POU6F2: variants seen among roughly 807,000 people sequenced by gnomAD.
POU6F2 encodes the protein POU class 6 homeobox 2, also known as POU domain, class 6, transcription factor 2.
A neutral mutation model predicts 71.3 loss-of-function variants in POU6F2; 31 were observed. The observed-to-expected ratio is 0.43, with a 90% CI of 0.33 to 0.59. POU6F2 has a LOEUF of 0.59. Ranked by LOEUF, POU6F2 falls within the 20% of genes least tolerant of loss-of-function variation. The pLI is 0.04. For synonymous variants in POU6F2, 347 were observed against 355.7 expected (o/e 0.98, Z 0.27); for missense variants, 783 against 856.8 (o/e 0.91, Z 1.07).
At chr7:39,090,530 C>T (rs1414003683) in intron 2 of POU6F2, among the ~76,000 whole-genome samples, 2 of 152,092 alleles carry the variant, frequency 1.3e-5, no homozygotes, top group Admixed American at 6.5e-5. Flanking sequence ...TTAAACGTCT[C>T]TCTCCAGGCT....
chr7:39,091,824 A>T (rs1347335654), intron 2 of POU6F2, among the ~76,000 whole-genome samples: 1 of 152,212 alleles, frequency 6.6e-6, no homozygotes, highest in African/African-American at 2.4e-5. Flanking sequence ...TTGAGATTTC[A>T]CTTGACCGTT....
intron 4 of POU6F2, among the ~76,000 whole-genome samples, chr7:39,232,302 A>G (rs1487925037): frequency 6.6e-6 from 1 of 151,958 alleles, no homozygotes; most frequent in African/African-American, 2.4e-5. Flanking sequence ...GTAAATAGAT[A>G]ACAAAAGGTT....
At position 39,464,769 on chromosome 7, in the gene POU6F2, A is replaced by C. The variant is rs1323186390; in HGVS notation, c.*83A>C. The stretch of plus-strand genomic sequence containing the variant: ...GACTCCACAACAACAACAACAACAA[A>C]ATTTAATTTAATTTAAAAATAGCCC... On this transcript the variant is annotated 3_prime_UTR_variant, in exon 10 of 10. Transcript: ENST00000518318. The surrounding 1 kb of genome is among the most constrained non-coding windows in gnomAD (Gnocchi z 4.1). 4 of 1,366,466 alleles carry C rather than the reference A, an allele frequency of 2.9e-6. No individual in the cohort carries two copies. Among genetic ancestry groups the C allele is most frequent in the Admixed American group, 2.7e-5 (1 of 36,954 alleles). 84.6% of individuals were successfully genotyped at this position (1,366,466 alleles called of 1,614,324 possible). A position where few individuals can be genotyped will look rare whatever the true frequency, so the allele number is the denominator to read the frequency against.
chr7:39,284,787 T>G (rs1262491222), intron 4 of POU6F2, among the ~76,000 whole-genome samples: 1 of 152,238 alleles, frequency 6.6e-6, no homozygotes, highest in Non-Finnish European at 1.5e-5. Flanking sequence ...TAATTCAAGT[T>G]AAATTCAGTC....
chr7:39,086,143 C>T, intron 2 of POU6F2, 112 bp downstream of exon 2: 1 of 1,124,598 alleles, frequency 8.9e-7, no homozygotes, highest in Non-Finnish European at 1.2e-6. Context: ...CCCGTAAGTA[C>T]TAAAAAGGAG....
chr7:39,023,122 T>C (rs780229933), intron 1 of POU6F2, among the ~76,000 whole-genome samples: 5 of 152,128 alleles, frequency 3.3e-5, no homozygotes, highest in Non-Finnish European at 7.4e-5. Flanking sequence ...CATATATTCA[T>C]TGATACTTTG....
intron 2 of POU6F2, among the ~76,000 whole-genome samples, chr7:39,168,256 G>T (rs1254121599): frequency 6.6e-6 from 1 of 152,092 alleles, no homozygotes; most frequent in African/African-American, 2.4e-5. Context: ...CCTTAAAATT[G>T]TCCGAACATT....
intron 6 of POU6F2, among the ~76,000 whole-genome samples, chr7:39,424,696 T>A (rs1343394421): frequency 2.0e-5 from 3 of 152,124 alleles, no homozygotes; most frequent in African/African-American, 4.8e-5. Context: ...TATCAATGTT[T>A]CCTAAAGCTC....
chr7:38,998,247 C>T lies in POU6F2; in HGVS notation c.105+20189C>T, dbSNP rs73369755. Among the ~76,000 whole-genome samples the T allele has an allele frequency of 6.1e-3, 933 of 152,290 alleles. 9 individuals carry two copies. The highest frequency in any genetic ancestry group is 0.022 in the African/African-American group (895 of 41,564). On this transcript the variant is annotated intron_variant, in intron 1 of 9. Coordinates refer to ENST00000518318, the MANE Select transcript of POU6F2 (RefSeq NM_001370959.1). ...ATTGCAGTTAATAAATTACCTGTGA[C>T]ATCTCCTAGACCTTGCAAGTTCCCA...
intron 2 of POU6F2, among the ~76,000 whole-genome samples, chr7:39,105,785 A>T (rs6945402): frequency 0.23 from 34,400 of 152,020 alleles, 4,509 homozygotes; most frequent in East Asian, 0.55. Flanking sequence ...CTTAGTACTG[A>T]ATTCTTTTCA....
chr7:39,199,886 A>G (rs1793861773), intron 2 of POU6F2, among the ~76,000 whole-genome samples: 1 of 152,238 alleles, frequency 6.6e-6, no homozygotes, highest in Non-Finnish European at 1.5e-5. Flanking sequence ...TATCATTTCC[A>G]TAATAGATTC....
chr7:39,261,643 G>A (rs975789016), intron 4 of POU6F2, among the ~76,000 whole-genome samples: 27 of 152,238 alleles, frequency 1.8e-4, no homozygotes, highest in African/African-American at 3.4e-4. Context: ...TGGCAGAGGC[G>A]GGATTTGAAC....
At chr7:39,331,491 GT>G in intron 4 of POU6F2, among the ~76,000 whole-genome samples, 1 of 150,674 alleles carries the variant, frequency 6.6e-6, no homozygotes, top group Non-Finnish European at 1.5e-5. Flanking sequence ...TCTCACTCCG[GT>G]TTTGTTTTGT....
At chr7:39,381,683 A>G (rs893575196) in intron 5 of POU6F2, among the ~76,000 whole-genome samples, 4 of 152,186 alleles carry the variant, frequency 2.6e-5, no homozygotes, top group African/African-American at 9.7e-5. Flanking sequence ...CAAAAGACTG[A>G]TTTGTACATA....
chr7:39,239,143 A>T (rs1783661704), intron 4 of POU6F2, among the ~76,000 whole-genome samples: 1 of 152,136 alleles, frequency 6.6e-6, no homozygotes, highest in Non-Finnish European at 1.5e-5. Flanking sequence ...AAGTGGAATA[A>T]TATGAAAGAC....
intron 1 of POU6F2, among the ~76,000 whole-genome samples, chr7:39,045,906 G>T (rs963214379): frequency 1.3e-5 from 2 of 151,892 alleles, no homozygotes; most frequent in African/African-American, 4.8e-5. Context: ...TAAGAGTAAT[G>T]TGGCTATGAT....
chr7:39,414,774 C>A (rs1432635135), intron 6 of POU6F2, among the ~76,000 whole-genome samples: 2 of 133,536 alleles, frequency 1.5e-5, no homozygotes, highest in Admixed American at 8.6e-5. Context: ...ACTTAAAGAA[C>A]TGAAAGGAAA....
rs532222958 is a variant in POU6F2 at position 39,465,907 on chromosome 7, G to T, written c.*1221G>T. 6.6e-6 allele frequency: 1 copy of T among 152,320 alleles called. No individual in the cohort carries two copies. The highest frequency in any genetic ancestry group is 2.4e-5 in the African/African-American group (1 of 41,582). The allele number at this position is 152,320 out of a possible 1,614,324, so 9.4% of individuals were successfully genotyped here. On this transcript the variant is annotated 3_prime_UTR_variant, in exon 10 of 10. Coordinates refer to ENST00000518318, the MANE Select transcript of POU6F2 (RefSeq NM_001370959.1). ...TTCTCTCAGAAGTCTGATAGCCAAA[G>T]AAATGTCTCAAGATTTCAGTCAAAT...
At chr7:39,344,657 C>A (rs940610964) in intron 5 of POU6F2, among the ~76,000 whole-genome samples, 5 of 152,108 alleles carry the variant, frequency 3.3e-5, no homozygotes, top group African/African-American at 4.8e-5. Flanking sequence ...CCCCTCCCCC[C>A]CCAGCAATTA....
Sources: allele counts gnomAD v4.1 joint callset (sites outside exome capture counted in the v4.1 genomes callset), GRCh38; gene constraint gnomAD v4.1.1; non-coding constraint Gnocchi (gnomAD v3.1); transcripts MANE v1.5; gene names NCBI Gene and HGNC (gene_info 2026-07-23, HGNC 2026-07-21).